BANP: variants seen among roughly 807,000 people sequenced by gnomAD.
BANP encodes BTG3 associated nuclear protein, also known as protein BANP.
A neutral mutation model predicts 68.1 loss-of-function variants in BANP; 11 were observed. That is an observed-to-expected ratio of 0.16 (90% CI 0.10 to 0.27). BANP has a LOEUF of 0.27. Among genes scored for constraint, BANP ranks in the 10% least tolerant of loss-of-function variants. BANP has a pLI of 1.00. For missense variants in BANP, 504 were observed against 722.7 expected (o/e 0.70, Z 3.47); for synonymous variants, 329 against 303.2 (o/e 1.09, Z -0.88).
In BANP at chr16:88,036,114, C is replaced by G. The variant is rs1020608947; in HGVS notation, c.1272+720C>G. 2.2e-4 allele frequency among the ~76,000 whole-genome samples: 34 copies of G among 152,238 alleles called. No individual in the cohort carries two copies. The highest frequency in any genetic ancestry group is 7.2e-4 in the African/African-American group (30 of 41,462). On this transcript the variant is annotated intron_variant, in intron 10 of 13. Coordinates refer to ENST00000682872, the MANE Select transcript of BANP (RefSeq NM_001386991.1). The surrounding 1 kb of genome is among the most constrained non-coding windows in gnomAD (Gnocchi z 4.2). Reference sequence around the variant, plus strand: ...ACCGTCCTTCGACTCTGGGCTGTTTCCTGCAGCACAGGCAGCAGCAGGCAC... The same window carrying G: ...ACCGTCCTTCGACTCTGGGCTGTTTGCTGCAGCACAGGCAGCAGCAGGCAC...
intron 7 of BANP, among the ~76,000 whole-genome samples, chr16:88,026,086 C>T (rs7203611): frequency 0.6 from 90,444 of 151,636 alleles, 29,471 homozygotes; most frequent in Non-Finnish European, 0.75. Flanking sequence ...AGTTTTCTCC[C>T]TGTTGAATAC....
At chr16:88,066,891 G>T (rs1016362403) in intron 12 of BANP, among the ~76,000 whole-genome samples, 35 of 152,232 alleles carry the variant, frequency 2.3e-4, no homozygotes, top group Admixed American at 6.5e-5. Flanking sequence ...AGGCAGTGGC[G>T]CTGTCAGTGG....
intron 4 of BANP, among the ~76,000 whole-genome samples, chr16:87,993,363 C>T (rs1471237676): frequency 6.6e-6 from 1 of 152,210 alleles, no homozygotes; most frequent in African/African-American, 2.4e-5. Flanking sequence ...TGTCAGTCTA[C>T]CCGGGAGCCT....
At position 88,018,940 on chromosome 16, in the gene BANP, T is replaced by C. The variant is rs1430261618; in HGVS notation, c.895+273T>C. ...GTACCCTTAGAAGGTGAAAAACTCCTCGCCTCCTGTCTGTAGGCCACTCTT... is the reference window on the plus strand; with the variant it reads ...GTACCCTTAGAAGGTGAAAAACTCCCCGCCTCCTGTCTGTAGGCCACTCTT... On this transcript the variant is annotated intron_variant, in intron 7 of 13. Transcript: ENST00000682872. The surrounding 1 kb of genome is among the most constrained non-coding windows in gnomAD (Gnocchi z 7.7). Among the ~76,000 whole-genome samples, 1 of 152,194 alleles carries C rather than the reference T, an allele frequency of 6.6e-6. No homozygotes were observed. Among genetic ancestry groups the C allele is most frequent in the African/African-American group, 2.4e-5 (1 of 41,434 alleles).
chr16:87,953,762 C>T (rs1296161021), intron 1 of BANP, among the ~76,000 whole-genome samples: 1 of 152,194 alleles, frequency 6.6e-6, no homozygotes, highest in Non-Finnish European at 1.5e-5. Flanking sequence ...GTGTCAGGTC[C>T]CCTTTCTCCT....
chr16:88,065,777 C>T (rs2088375301), intron 12 of BANP, among the ~76,000 whole-genome samples: 1 of 152,136 alleles, frequency 6.6e-6, no homozygotes, highest in Admixed American at 6.5e-5. Context: ...GGTGGCAGGA[C>T]CAGGTTGCAT....
At chr16:87,963,125 C>T (rs373448226) in intron 1 of BANP, among the ~76,000 whole-genome samples, 7 of 152,108 alleles carry the variant, frequency 4.6e-5, no homozygotes, top group Admixed American at 3.9e-4. Context: ...CATTCCAGCT[C>T]GGGTGGCCTG....
chr16:87,972,982 C>T (rs115031651), intron 1 of BANP, among the ~76,000 whole-genome samples: 1 of 152,020 alleles, frequency 6.6e-6, no homozygotes, highest in Non-Finnish European at 1.5e-5. Flanking sequence ...TTGCTTCCTC[C>T]ATCCTATGCC....
Position 88,004,449 on chromosome 16 carries a change from C to A in BANP, c.479+38C>A. 1 of 1,160,716 alleles carries A rather than the reference C, an allele frequency of 8.6e-7. No individual in the cohort carries two copies. The highest frequency in any genetic ancestry group is 1.2e-6 in the Non-Finnish European group (1 of 808,546). 71.9% of individuals were successfully genotyped at this position (1,160,716 alleles called of 1,614,324 possible). ...GCACCAACCCCACCTTTCCCTGCCA[C>A]TGTGCGGAGTCCCATGAGAATAAGT... is the stretch of plus-strand genomic sequence containing the variant. On this transcript the variant is annotated intron_variant, in intron 5 of 13. Transcript: ENST00000682872. The surrounding 1 kb of genome is among the most constrained non-coding windows in gnomAD (Gnocchi z 7.0).
At chr16:88,075,712 G>C (rs2091460693) in intron 13 of BANP, among the ~76,000 whole-genome samples, 1 of 151,452 alleles carries the variant, frequency 6.6e-6, no homozygotes. Flanking sequence ...TGGAGGATGA[G>C]TGACTTATTC....
intron 1 of BANP, among the ~76,000 whole-genome samples, chr16:87,961,592 C>G (rs2059169101): frequency 6.6e-6 from 1 of 152,128 alleles, no homozygotes; most frequent in South Asian, 2.1e-4. Flanking sequence ...AAATGTAAAA[C>G]AATATTATCC....
chr16:88,010,065 A>G (rs1409883446), intron 6 of BANP, among the ~76,000 whole-genome samples: 1 of 152,226 alleles, frequency 6.6e-6, no homozygotes, highest in Non-Finnish European at 1.5e-5. Flanking sequence ...CTGTGTCTTC[A>G]TTCTTGTGCT....
At position 88,072,224 on chromosome 16, in the gene BANP, G is replaced by T. The variant is rs774630779; in HGVS notation, c.1521+12G>T. ...CGGCCGGGGCACAGGTGAGTCTGGG[G>T]CCCCGCGCCGGGACACTGAAGTGAT... On this transcript the variant is annotated intron_variant, in intron 13 of 13. Transcript: ENST00000682872. 1 of 1,602,716 alleles carries T rather than the reference G, an allele frequency of 6.2e-7. No individual in the cohort carries two copies. Among genetic ancestry groups the T allele is most frequent in the Non-Finnish European group, 8.5e-7 (1 of 1,176,098 alleles).
intron 1 of BANP, among the ~76,000 whole-genome samples, chr16:87,967,679 T>C (rs913467926): frequency 2.0e-5 from 3 of 148,400 alleles, no homozygotes; most frequent in African/African-American, 7.5e-5. Flanking sequence ...TGGAGTGCAG[T>C]GGCGCAGTCT....
At chr16:87,968,487 A>AAAAC (rs1455710565) in intron 1 of BANP, among the ~76,000 whole-genome samples, 1 of 151,460 alleles carries the variant, frequency 6.6e-6, no homozygotes, top group East Asian at 1.9e-4. Context: ...TCTGTCTCAA[A>AAAAC]AAAAAAAAAA....
intron 6 of BANP, among the ~76,000 whole-genome samples, chr16:88,014,942 C>G (rs1279173540): frequency 2.0e-5 from 3 of 152,094 alleles, no homozygotes; most frequent in African/African-American, 4.8e-5. Flanking sequence ...CCTACTGACA[C>G]CAGGCCCTCA....
chr16:88,006,005 ATT>A, intron 5 of BANP, 83 bp from the exon 6 acceptor site: 1 of 1,550,134 alleles, frequency 6.5e-7, no homozygotes, highest in African/African-American at 1.4e-5. Context: ...ACAGAGTTAG[ATT>A]TTGCGATAAG....
chr16:87,964,601 C>T lies in BANP; in HGVS notation c.-68-10447C>T, dbSNP rs1048953526. On this transcript the variant is annotated intron_variant, in intron 1 of 13. Transcript: ENST00000682872. The stretch of plus-strand genomic sequence containing the variant: ...GAGGGCCCGTGAGATGGGAAGCCCT[C>T]GGAGGGCTTAGAGCAGATGAGGGGC... Among the ~76,000 whole-genome samples, 4 of 84,112 alleles carry T rather than the reference C, an allele frequency of 4.8e-5. No individual in the cohort carries two copies. In the East Asian group the frequency reaches 8.4e-4, roughly 18 times the overall value. 55.2% of individuals were successfully genotyped at this position (84,112 alleles called of 152,430 possible).
At chr16:87,955,314 T>C (rs1161835029) in intron 1 of BANP, among the ~76,000 whole-genome samples, 1 of 152,224 alleles carries the variant, frequency 6.6e-6, no homozygotes, top group Non-Finnish European at 1.5e-5. Flanking sequence ...AAACGCACAC[T>C]TTCAGGCCCT....
Sources: allele counts gnomAD v4.1 joint callset (sites outside exome capture counted in the v4.1 genomes callset), GRCh38; gene constraint gnomAD v4.1.1; non-coding constraint Gnocchi (gnomAD v3.1); transcripts MANE v1.5; gene names NCBI Gene and HGNC (gene_info 2026-07-23, HGNC 2026-07-21).